The following TNKS variants were observed in gnomAD, a reference collection of about 807,000 sequenced individuals.
TNKS encodes the protein tankyrase, also known as poly [ADP-ribose] polymerase tankyrase-1.
TNKS carries 72 observed loss-of-function variants against 135.8 expected under a neutral mutation model. The ratio of observed to expected loss-of-function variants is 0.53; its 90% CI spans 0.44 to 0.64. The LOEUF is 0.64. Ranked by LOEUF, TNKS falls within the 30% of genes least tolerant of loss-of-function variation. The probability of loss-of-function intolerance (pLI) is 0.00; values close to 1 mark genes in which losing one functional copy is unlikely to be tolerated. For missense variants in TNKS, 1,769 were observed against 1,674.0 expected, an observed-to-expected ratio of 1.06 and a Z score of -0.99; for synonymous variants, 849 against 649.3, an observed-to-expected ratio of 1.31 and a Z score of -4.68.
chr8:9,671,865 G>C (rs571132242), intron 3 of TNKS, among the ~76,000 whole-genome samples: 1 of 152,348 alleles, frequency 6.6e-6, no homozygotes, highest in Admixed American at 6.5e-5. Context: ...AAAATATTAA[G>C]TGGAAAATTC....
chr8:9,572,456 T>G (rs1797791009), intron 1 of TNKS, among the ~76,000 whole-genome samples: 1 of 152,238 alleles, frequency 6.6e-6, no homozygotes, highest in Non-Finnish European at 1.5e-5. Context: ...TTGTCATTAT[T>G]TCTACAATAT....
chr8:9,592,890 A>G (rs1233336427), intron 2 of TNKS, among the ~76,000 whole-genome samples: 1 of 152,204 alleles, frequency 6.6e-6, no homozygotes, highest in Non-Finnish European at 1.5e-5. Context: ...TCATATACAA[A>G]TATAAAACAC....
At chr8:9,558,177 A>G (rs751044605) in intron 1 of TNKS, 1 of 152,148 alleles carries the variant, frequency 6.6e-6, no homozygotes, top group Non-Finnish European at 1.5e-5. Flanking sequence ...CTGATATTTT[A>G]TATTTTATTC....
At chr8:9,559,165 A>AAAC (rs1169813234) in intron 1 of TNKS, among the ~76,000 whole-genome samples, 2 of 152,182 alleles carry the variant, frequency 1.3e-5, no homozygotes, top group African/African-American at 4.8e-5. Flanking sequence ...GGGGAAGCAT[A>AAAC]AACAACAACA....
At chr8:9,748,511 A>T (rs1346528256) in intron 18 of TNKS, among the ~76,000 whole-genome samples, 1 of 152,150 alleles carries the variant, frequency 6.6e-6, no homozygotes, top group Non-Finnish European at 1.5e-5. Flanking sequence ...AATATCTTGT[A>T]CCTTCTATAT....
At chr8:9,590,321 C>A (rs946905763) in intron 2 of TNKS, among the ~76,000 whole-genome samples, 1 of 152,112 alleles carries the variant, frequency 6.6e-6, no homozygotes, top group African/African-American at 2.4e-5. Flanking sequence ...GGTACTCTTT[C>A]CCCAGATTTT....
intron 3 of TNKS, among the ~76,000 whole-genome samples, chr8:9,617,981 T>C (rs1014726017): frequency 2.2e-4 from 28 of 128,302 alleles, no homozygotes; most frequent in African/African-American, 7.9e-4. Flanking sequence ...AATCTCTTTT[T>C]TGGTTTTTTT....
chr8:9,663,403 G>A (rs1479702525), intron 3 of TNKS, among the ~76,000 whole-genome samples: 1 of 152,186 alleles, frequency 6.6e-6, no homozygotes, highest in African/African-American at 2.4e-5. Context: ...TATGTGTAAA[G>A]GAAAAGAAAC....
chr8:9,707,523 T>G (rs1804106684), intron 8 of TNKS, among the ~76,000 whole-genome samples: 1 of 152,228 alleles, frequency 6.6e-6, no homozygotes, highest in Non-Finnish European at 1.5e-5. Context: ...GTCATGTGTG[T>G]TATGACCCAA....
In TNKS at chr8:9,780,082, A is replaced by C. The variant is rs1377653242; in HGVS notation, c.*3346A>C. 6.6e-6 allele frequency: 1 copy of C among 152,232 alleles called. No individual in the cohort carries two copies. The highest frequency in any genetic ancestry group is 2.4e-5 in the African/African-American group (1 of 41,458). The allele number at this position is 152,232 out of a possible 1,614,324, so 9.4% of individuals were successfully genotyped here. On this transcript the variant is annotated 3_prime_UTR_variant, in exon 27 of 27. Transcript: ENST00000310430. ...TTCTATTATTGTATCCGTTTTACAA[A>C]AAATAAAATTTTGATATATGCCGGA...
At chr8:9,623,751 C>G (rs1037866048) in intron 3 of TNKS, among the ~76,000 whole-genome samples, 1 of 152,136 alleles carries the variant, frequency 6.6e-6, no homozygotes, top group African/African-American at 2.4e-5. Context: ...CCTGTAATCT[C>G]AGCACTTTGG....
chr8:9,574,978 A>G (rs1042738818), intron 1 of TNKS: 34 of 925,972 alleles, frequency 3.7e-5, no homozygotes, highest in Non-Finnish European at 4.2e-5. Flanking sequence ...GGAGATGCTA[A>G]GAATGTGGAA....
chr8:9,630,530 TACTC>T (rs766290824), intron 3 of TNKS, among the ~76,000 whole-genome samples: 26 of 152,210 alleles, frequency 1.7e-4, no homozygotes, highest in Non-Finnish European at 3.5e-4. Context: ...CTAACAGACT[TACTC>T]TTCAAATAAT....
intron 3 of TNKS, among the ~76,000 whole-genome samples, chr8:9,623,434 C>CT (rs80125974): frequency 5.0e-5 from 7 of 141,226 alleles, no homozygotes; most frequent in African/African-American, 1.8e-4. Flanking sequence ...GTGAAACACA[C>CT]TTTTTTTTTT....
intron 2 of TNKS, among the ~76,000 whole-genome samples, chr8:9,594,296 A>G (rs904242399): frequency 6.6e-6 from 1 of 152,264 alleles, no homozygotes; most frequent in African/African-American, 2.4e-5. Flanking sequence ...ATGAGAAAAT[A>G]TACTGATGAT....
At chr8:9,608,242 G>T (rs750934147) in intron 2 of TNKS, among the ~76,000 whole-genome samples, 2 of 152,168 alleles carry the variant, frequency 1.3e-5, no homozygotes, top group Non-Finnish European at 2.9e-5. Flanking sequence ...TGCTCAGCTT[G>T]TGTTATCAGT....
intron 26 of TNKS, among the ~76,000 whole-genome samples, chr8:9,771,493 T>G (rs866440979): frequency 7.6e-3 from 557 of 73,438 alleles, no homozygotes; most frequent in Middle Eastern, 0.039. Context: ...GGGAAAGAGA[T>G]AAAGGGAAGG....
intron 3 of TNKS, among the ~76,000 whole-genome samples, chr8:9,628,654 A>G (rs868178990): frequency 1.3e-5 from 2 of 152,014 alleles, no homozygotes; most frequent in East Asian, 1.9e-4. Flanking sequence ...GGGTGATTTC[A>G]TCGAGTCCAT....
intron 1 of TNKS, among the ~76,000 whole-genome samples, chr8:9,571,216 C>G (rs913137907): frequency 5.9e-5 from 9 of 152,052 alleles, no homozygotes; most frequent in African/African-American, 2.2e-4. Flanking sequence ...TCCTTGTAGC[C>G]TTTTTTCCTT....
Sources: gnomAD v4.1 joint callset for allele counts (sites outside exome capture counted in the v4.1 genomes callset) on GRCh38, gnomAD v4.1.1 for gene constraint, MANE v1.5 for transcripts, NCBI Gene and HGNC (gene_info 2026-07-23, HGNC 2026-07-21) for gene names.